The following RAD51 variants were observed in gnomAD, a reference collection of about 807,000 sequenced individuals.
RAD51 encodes RAD51 recombinase, also known as DNA repair protein RAD51 homolog 1.
A neutral mutation model predicts 41.5 loss-of-function variants in RAD51; 14 were observed. That is an observed-to-expected ratio of 0.34 (90% CI 0.22 to 0.53). The LOEUF (loss-of-function observed/expected upper bound fraction) is 0.53, where lower values mean the gene tolerates loss of function less well. RAD51 is among the 20% of genes least tolerant of loss of function. RAD51 has a pLI of 0.95. For synonymous variants in RAD51, 136 were observed against 148.6 expected (o/e 0.92, Z 0.62); for missense variants, 234 against 422.0 (o/e 0.55, Z 3.90).
chr15:40,714,193 T>G (rs1281625207), intron 5 of RAD51, among the ~76,000 whole-genome samples: 1 of 151,992 alleles, frequency 6.6e-6, no homozygotes, highest in Non-Finnish European at 1.5e-5. Context: ...AGGAGACCTT[T>G]TATGATAATA....
At chr15:40,710,124 C>T (rs973782005) in intron 5 of RAD51, among the ~76,000 whole-genome samples, 1 of 151,514 alleles carries the variant, frequency 6.6e-6, no homozygotes, top group Non-Finnish European at 1.5e-5. Flanking sequence ...TGCCTGTAGT[C>T]CCAGCTACTT....
intron 2 of RAD51, among the ~76,000 whole-genome samples, chr15:40,700,194 G>A (rs1187649858): frequency 1.3e-5 from 2 of 152,130 alleles, no homozygotes; most frequent in Admixed American, 6.6e-5. Flanking sequence ...ACTAACTCAT[G>A]TTTTCCCAGA....
rs1896908778 is a variant in RAD51, at chr15:40,732,251, T to C, written c.*1073T>C. ...ACTGTATAGGGGTGATCAGTTTCTG[T>C]TGCTTCAAGATTTGAAACCAGAAAG... On this transcript the variant is annotated 3_prime_UTR_variant, in exon 10 of 10. Transcript: ENST00000267868. 1.1e-5 allele frequency: 2 copies of C among 179,152 alleles called. No homozygotes were observed. Among genetic ancestry groups the C allele is most frequent in the Non-Finnish European group, 2.4e-5 (2 of 83,728 alleles). 11.1% of individuals were successfully genotyped at this position (179,152 alleles called of 1,614,324 possible). A position where few individuals can be genotyped will look rare whatever the true frequency, so the allele number is the denominator to read the frequency against.
intron 7 of RAD51, among the ~76,000 whole-genome samples, chr15:40,729,120 C>T (rs1896736203): frequency 6.6e-6 from 1 of 152,046 alleles, no homozygotes; most frequent in Non-Finnish European, 1.5e-5. Context: ...AGCCTGTAAT[C>T]CCAGCACTTT....
intron 3 of RAD51, 94 bp from the exon 4 acceptor site, chr15:40,706,083 T>C (rs2141829929): frequency 2.3e-6 from 2 of 860,472 alleles, no homozygotes; most frequent in African/African-American, 1.7e-5. Context: ...GTTTTACTAA[T>C]ATTTCTTTTT....
intron 9 of RAD51, 76 bp downstream of exon 9, chr15:40,730,050 C>T: frequency 6.4e-7 from 1 of 1,564,886 alleles, no homozygotes; most frequent in Non-Finnish European, 8.8e-7. Flanking sequence ...ATAACATTTT[C>T]ATTTAAGCCC....
rs45523435 is a variant in RAD51 at position 40,725,358 on chromosome 15, T to C, written c.531-3353T>C. Among the ~76,000 whole-genome samples, 8 of 152,260 alleles carry C rather than the reference T, an allele frequency of 5.3e-5. No individual in the cohort carries two copies. The South Asian group carries it at 1.5e-3, about 28-fold the overall frequency. Reference sequence around the variant, plus strand: ...GCTGAAAAATATGTTTACATAGAAATTTCATTAATTTGTTTTAATCAGGTC... The same window carrying C: ...GCTGAAAAATATGTTTACATAGAAACTTCATTAATTTGTTTTAATCAGGTC... On this transcript the variant is annotated intron_variant, in intron 6 of 9. Transcript: ENST00000267868.
In RAD51 at chr15:40,731,975, C is replaced by G. The variant is rs570385293; in HGVS notation, c.*797C>G. On this transcript the variant is annotated 3_prime_UTR_variant, in exon 10 of 10. Transcript: ENST00000267868. ...ACACGTGCCTGTAGTCCCAGCTACT[C>G]GATAGCCTGAGGTGGGAGAATCACT... is the stretch of plus-strand genomic sequence containing the variant. 9.6e-6 allele frequency: 2 copies of G among 208,598 alleles called. No homozygotes were observed. Among genetic ancestry groups the G allele is most frequent in the South Asian group, 3.8e-4 (2 of 5,330 alleles). The allele number at this position is 208,598 out of a possible 1,614,324, so 12.9% of individuals were successfully genotyped here.
chr15:40,720,146 C>T (rs1263681689), intron 6 of RAD51, among the ~76,000 whole-genome samples: 1 of 152,058 alleles, frequency 6.6e-6, no homozygotes, highest in Non-Finnish European at 1.5e-5. Context: ...AAATGGTGCT[C>T]TGTTACCCAG....
intron 5 of RAD51, among the ~76,000 whole-genome samples, chr15:40,715,970 C>G (rs1004877693): frequency 6.6e-6 from 1 of 152,138 alleles, no homozygotes; most frequent in Non-Finnish European, 1.5e-5. Flanking sequence ...AGGCATGACC[C>G]TCTTTTGTTG....
intron 5 of RAD51, among the ~76,000 whole-genome samples, chr15:40,717,664 A>C (rs1312031945): frequency 6.6e-6 from 1 of 151,986 alleles, no homozygotes; most frequent in African/African-American, 2.4e-5. Flanking sequence ...TTCATTTTAA[A>C]CATCTTGTTT....
At chr15:40,721,591 A>G (rs1415467797) in intron 6 of RAD51, among the ~76,000 whole-genome samples, 2 of 152,022 alleles carry the variant, frequency 1.3e-5, no homozygotes, top group African/African-American at 4.8e-5. Flanking sequence ...GATCATCCCT[A>G]CTCAGCCTCC....
chr15:40,725,549 G>C (rs1379259326), intron 6 of RAD51, among the ~76,000 whole-genome samples: 3 of 152,132 alleles, frequency 2.0e-5, no homozygotes, highest in Non-Finnish European at 4.4e-5. Context: ...GCATGTTACT[G>C]TAGCTCTGGG....
At chr15:40,716,657 C>CTT (rs34860677) in intron 5 of RAD51, among the ~76,000 whole-genome samples, 86 of 88,142 alleles carry the variant, frequency 9.8e-4, no homozygotes, top group Non-Finnish European at 1.2e-3. Context: ...CTCTCTACTT[C>CTT]TTTTTTTTTT....
At chr15:40,722,248 C>T (rs187169357) in intron 6 of RAD51, among the ~76,000 whole-genome samples, 204 of 152,104 alleles carry the variant, frequency 1.3e-3, no homozygotes, top group Non-Finnish European at 2.4e-3. Flanking sequence ...CCCGTCACTA[C>T]TAAAAATACA....
At position 40,729,563 on chromosome 15, in the gene RAD51, C is replaced by T. The variant is rs2141882329; in HGVS notation, c.703C>T (p.Arg235Ter). The T allele has an allele frequency of 1.2e-6, 2 of 1,613,920 alleles. No individual in the cohort carries two copies. The highest frequency in any genetic ancestry group is 1.7e-6 in the Non-Finnish European group (2 of 1,179,984). ...TALYRTDYSG[R>*]GELSARQMHL... ...CCTTTACAGAACAGACTACTCGGGT[C>T]GAGGTGAGCTTTCAGCCAGGCAGAT... The change falls in exon 8 of 10, where the codon CGA (arginine) becomes TGA (stop). Residue 235 changes from arginine (R) to a stop codon, truncating the protein, a stop_gained. Transcript: ENST00000267868. LOFTEE classifies it high-confidence loss of function.
rs75913959 is a variant in RAD51 at position 40,714,290 on chromosome 15, G to T, written c.436-4515G>T. Among the ~76,000 whole-genome samples, 1,437 of 152,254 alleles carry T rather than the reference G, an allele frequency of 9.4e-3. 22 individuals carry two copies. The highest frequency in any genetic ancestry group is 0.033 in the African/African-American group (1,378 of 41,552). ...CCATTAGAAATTTGATAGCTAAAGG[G>T]AATTAGGGCTGTTTAAAATGTCACT... On this transcript the variant is annotated intron_variant, in intron 5 of 9. Coordinates refer to ENST00000267868, the MANE Select transcript of RAD51 (RefSeq NM_002875.5).
In RAD51 at chr15:40,706,188, TA is replaced by T; in HGVS notation, c.240del (p.Lys80AsnfsTer2). 1 of 1,613,786 alleles carries T rather than the reference TA, an allele frequency of 6.2e-7. No individual in the cohort carries two copies. Among genetic ancestry groups the T allele is most frequent in the South Asian group, 1.1e-5 (1 of 91,078 alleles). ...KADKILAEAA[K>X]LVPMGFTTAT... Reference sequence around the variant, plus strand: ...CTTATTTTTCCCAGGCTGAGGCAGCTAAATTAGTTCCAATGGGTTTCACCAC... The same window carrying T: ...CTTATTTTTCCCAGGCTGAGGCAGCTAATTAGTTCCAATGGGTTTCACCAC... On this transcript the variant is annotated frameshift_variant, in exon 4 of 10. Transcript: ENST00000267868. LOFTEE classifies it high-confidence loss of function.
chr15:40,700,171 C>T (rs1163222340), intron 2 of RAD51, among the ~76,000 whole-genome samples: 1 of 152,164 alleles, frequency 6.6e-6, no homozygotes, highest in Non-Finnish European at 1.5e-5. Flanking sequence ...CCTGAATGCA[C>T]CCACATTCAC....
Sources: allele counts gnomAD v4.1 joint callset (sites outside exome capture counted in the v4.1 genomes callset), GRCh38; gene constraint gnomAD v4.1.1; transcripts MANE v1.5; gene names NCBI Gene and HGNC (gene_info 2026-07-23, HGNC 2026-07-21).